LNP1: variants seen among roughly 807,000 people sequenced by gnomAD.
LNP1 encodes the protein leukemia NUP98 fusion partner 1.
In LNP1, 12 loss-of-function variants were observed where a neutral mutation model predicts 14.5. The ratio of observed to expected loss-of-function variants is 0.83; its 90% CI spans 0.53 to 1.34. The LOEUF (loss-of-function observed/expected upper bound fraction) is 1.34, where lower values mean the gene tolerates loss of function less well. Ranked by LOEUF, LNP1 falls within the 40% of genes most tolerant of loss-of-function variation. The probability of loss-of-function intolerance (pLI) is 0.00; values close to 1 mark genes in which losing one functional copy is unlikely to be tolerated. For synonymous variants in LNP1, 75 were observed against 71.4 expected, an observed-to-expected ratio of 1.05 and a Z score of -0.26; for missense variants, 198 against 210.9, an observed-to-expected ratio of 0.94 and a Z score of 0.38.
intron 1 of LNP1, among the ~76,000 whole-genome samples, chr3:100,422,408 C>T (rs928616045): frequency 3.3e-5 from 5 of 152,082 alleles, no homozygotes; most frequent in Non-Finnish European, 5.9e-5. Flanking sequence ...TGGTCTTGAT[C>T]TCCTGACCTT....
chr3:100,442,401 G>C lies in LNP1; in HGVS notation c.157-9318G>C, dbSNP rs372837662. Among the ~76,000 whole-genome samples, 73 of 152,290 alleles carry C rather than the reference G, an allele frequency of 4.8e-4. No homozygotes were observed. In the South Asian group the frequency reaches 0.015, roughly 31 times the overall value. On this transcript the variant is annotated intron_variant, in intron 2 of 3. Coordinates refer to ENST00000383693, the MANE Select transcript of LNP1 (RefSeq NM_001085451.2). ...GCCTCAGGAGGTCCCAACAACAAGT[G>C]CCTAAGGTGGTCAGAGGACAGTTTG...
At chr3:100,430,741 A>C (rs911058432) in intron 2 of LNP1, among the ~76,000 whole-genome samples, 4 of 152,206 alleles carry the variant, frequency 2.6e-5, no homozygotes, top group Non-Finnish European at 4.4e-5. Flanking sequence ...TTTTATTTTT[A>C]ACTTCAGGCT....
At chr3:100,432,948 C>T (rs1707256026) in intron 2 of LNP1, among the ~76,000 whole-genome samples, 1 of 152,194 alleles carries the variant, frequency 6.6e-6, no homozygotes, top group African/African-American at 2.4e-5. Context: ...CGGACCTCCA[C>T]AGTGCTTCTT....
At chr3:100,405,333 A>G (rs781196340) in intron 1 of LNP1, among the ~76,000 whole-genome samples, 19 of 152,216 alleles carry the variant, frequency 1.2e-4, no homozygotes, top group Admixed American at 7.9e-4. Context: ...CTTAGTTCAT[A>G]TAAGTGAAAA....
At chr3:100,419,422 C>G (rs1393419018) in intron 1 of LNP1, among the ~76,000 whole-genome samples, 1 of 152,096 alleles carries the variant, frequency 6.6e-6, no homozygotes, top group Non-Finnish European at 1.5e-5. Flanking sequence ...AGTATAATGT[C>G]AAAACCAGGA....
At chr3:100,448,179 T>G (rs1707406347) in intron 2 of LNP1, among the ~76,000 whole-genome samples, 1 of 152,022 alleles carries the variant, frequency 6.6e-6, no homozygotes, top group African/African-American at 2.4e-5. Context: ...TGAAAAAGAT[T>G]AGACTTCACT....
At position 100,417,371 on chromosome 3, in the gene LNP1, C is replaced by CTTTTTTTTTTTTT. The variant is rs562000656; in HGVS notation, c.-33-12316_-33-12304dup. Among the ~76,000 whole-genome samples the CTTTTTTTTTTTTT allele has an allele frequency of 1.3e-3, 86 of 64,624 alleles. 3 individuals carry two copies. Among genetic ancestry groups the CTTTTTTTTTTTTT allele is most frequent in the East Asian group, 2.1e-3 (4 of 1,944 alleles). 42.4% of individuals were successfully genotyped at this position (64,624 alleles called of 152,430 possible). A position where few individuals can be genotyped will look rare whatever the true frequency, so the allele number is the denominator to read the frequency against. ...CTTTTTCTTTCTTTCTTTCTTTTTT[C>CTTTTTTTTTTTTT]TTTTTTTTTTTTTTTTTTTTTTCGA... On this transcript the variant is annotated intron_variant, in intron 1 of 3. Coordinates refer to ENST00000383693, the MANE Select transcript of LNP1 (RefSeq NM_001085451.2).
intron 1 of LNP1, among the ~76,000 whole-genome samples, chr3:100,414,901 T>C (rs940280128): frequency 6.6e-6 from 1 of 152,210 alleles, no homozygotes; most frequent in African/African-American, 2.4e-5. Context: ...TTGGAGACCG[T>C]AGGATAATAA....
intron 3 of LNP1, among the ~76,000 whole-genome samples, chr3:100,452,864 T>TG (rs1559847615): frequency 6.6e-6 from 1 of 152,172 alleles, no homozygotes; most frequent in East Asian, 1.9e-4. Context: ...GATCAATTAA[T>TG]GTGGGGGTAG....
intron 1 of LNP1, among the ~76,000 whole-genome samples, chr3:100,410,889 G>A (rs948783832): frequency 1.3e-5 from 2 of 152,220 alleles, no homozygotes; most frequent in Admixed American, 6.5e-5. Flanking sequence ...CAGGGAGTAG[G>A]TCTGAATCCT....
At chr3:100,448,266 A>C (rs1354095010) in intron 2 of LNP1, among the ~76,000 whole-genome samples, 1 of 152,138 alleles carries the variant, frequency 6.6e-6, no homozygotes, top group East Asian at 1.9e-4. Flanking sequence ...ACTTTGGGAG[A>C]AACTTAGTTT....
chr3:100,406,607 T>A (rs113933046), intron 1 of LNP1, among the ~76,000 whole-genome samples: 2,856 of 152,272 alleles, frequency 0.019, 77 homozygotes, highest in African/African-American at 0.065. Flanking sequence ...TGATCTCGGC[T>A]CACTGCAACC....
rs1417241398 is a variant in LNP1, at chr3:100,402,365, C to T, written c.-108C>T. ...TGAAAGGAGATATTTTATCAAGTGG[C>T]ACCAGAATGGACTGATTAAAATAGA... On this transcript the variant is annotated 5_prime_UTR_variant, in exon 1 of 4. Coordinates refer to ENST00000383693, the MANE Select transcript of LNP1 (RefSeq NM_001085451.2). 1 of 152,160 alleles carries T rather than the reference C, an allele frequency of 6.6e-6. No individual in the cohort carries two copies. The highest frequency in any genetic ancestry group is 2.4e-5 in the African/African-American group (1 of 41,440). 9.4% of individuals were successfully genotyped at this position (152,160 alleles called of 1,614,324 possible).
At chr3:100,434,441 C>T (rs772847141) in intron 2 of LNP1, among the ~76,000 whole-genome samples, 1 of 151,776 alleles carries the variant, frequency 6.6e-6, no homozygotes, top group African/African-American at 2.4e-5. Context: ...GTTTTGGTAC[C>T]TGTTACCTGT....
At chr3:100,442,131 T>C (rs1385332247) in intron 2 of LNP1, among the ~76,000 whole-genome samples, 1 of 152,174 alleles carries the variant, frequency 6.6e-6, no homozygotes, top group Non-Finnish European at 1.5e-5. Context: ...CATTTTGGAG[T>C]TTATTTTTAC....
Position 100,401,819 on chromosome 3 carries a change from C to G in LNP1, c.-654C>G, listed in dbSNP as rs1266630648. On this transcript the variant is annotated 5_prime_UTR_variant, in exon 1 of 4. Coordinates refer to ENST00000383693, the MANE Select transcript of LNP1 (RefSeq NM_001085451.2). ...TTGGCTGCAGTCGAAACGGTTTGAG[C>G]GTGGTCGCTGTGGCTCATCGTCGGC... is the stretch of plus-strand genomic sequence containing the variant. 1 of 152,218 alleles carries G rather than the reference C, an allele frequency of 6.6e-6. No homozygotes were observed. The allele number at this position is 152,218 out of a possible 1,614,324, so 9.4% of individuals were successfully genotyped here.
Position 100,442,615 on chromosome 3 carries a change from G to T in LNP1, c.157-9104G>T, listed in dbSNP as rs1707355000. 2.0e-5 allele frequency among the ~76,000 whole-genome samples: 3 copies of T among 152,214 alleles called. No homozygotes were observed. In the South Asian group the frequency reaches 6.2e-4, roughly 32 times the overall value. ...TGAGTTTCTGATTAGCCTTTCCAAA[G>T]GAGGCAATCAGATATGCATTTATCT... On this transcript the variant is annotated intron_variant, in intron 2 of 3. Coordinates refer to ENST00000383693, the MANE Select transcript of LNP1 (RefSeq NM_001085451.2).
chr3:100,437,935 A>G (rs1204921280), intron 2 of LNP1, among the ~76,000 whole-genome samples: 1 of 152,212 alleles, frequency 6.6e-6, no homozygotes, highest in African/African-American at 2.4e-5. Context: ...CACTAGTCAC[A>G]TAAGTCTTAG....
At chr3:100,428,038 C>T (rs953639283) in intron 1 of LNP1, among the ~76,000 whole-genome samples, 111 of 152,254 alleles carry the variant, frequency 7.3e-4, no homozygotes, top group African/African-American at 2.6e-3. Context: ...ATTGAAAATG[C>T]GAGACTTCTC....
Sources: allele counts gnomAD v4.1 joint callset (sites outside exome capture counted in the v4.1 genomes callset), GRCh38; gene constraint gnomAD v4.1.1; transcripts MANE v1.5; gene names NCBI Gene and HGNC (gene_info 2026-07-23, HGNC 2026-07-21).